SLC41A2: variants seen among roughly 807,000 people sequenced by gnomAD.
SLC41A2 encodes SLC41A1-like 1.
In SLC41A2, 32 loss-of-function variants were observed where a neutral mutation model predicts 58.3. The ratio of observed to expected loss-of-function variants is 0.55; its 90% CI spans 0.41 to 0.74. SLC41A2 has a LOEUF of 0.74. Ranked by LOEUF, SLC41A2 falls within the 30% of genes least tolerant of loss-of-function variation. The probability of loss-of-function intolerance (pLI) is 0.00; values close to 1 mark genes in which losing one functional copy is unlikely to be tolerated. For missense variants in SLC41A2, 514 were observed against 680.6 expected (o/e 0.76, Z 2.72); for synonymous variants, 190 against 235.0 (o/e 0.81, Z 1.75).
chr12:104,918,609 T>G (rs957946413), intron 2 of SLC41A2, among the ~76,000 whole-genome samples: 3 of 143,024 alleles, frequency 2.1e-5, no homozygotes, highest in Non-Finnish European at 4.5e-5. Context: ...TCATTTCATG[T>G]CTGTTGAAGG....
chr12:104,836,562 A>C (rs777477124), intron 10 of SLC41A2, among the ~76,000 whole-genome samples: 24 of 152,216 alleles, frequency 1.6e-4, no homozygotes, highest in Admixed American at 7.9e-4. Context: ...ATAACTGAAC[A>C]CTATAAAATA....
chr12:104,867,980 C>T (rs2043556866), intron 6 of SLC41A2, among the ~76,000 whole-genome samples: 2 of 151,792 alleles, frequency 1.3e-5, no homozygotes, highest in Admixed American at 1.3e-4. Context: ...TAAAATATAG[C>T]TAAACAAATT....
At chr12:104,922,505 C>A (rs1205029755) in intron 2 of SLC41A2, among the ~76,000 whole-genome samples, 1 of 151,726 alleles carries the variant, frequency 6.6e-6, no homozygotes, top group Admixed American at 6.6e-5. Flanking sequence ...CACCCAACAC[C>A]AGAGCTTCTA....
chr12:104,939,816 G>T, intron 1 of SLC41A2, among the ~76,000 whole-genome samples: 1 of 152,228 alleles, frequency 6.6e-6, no homozygotes, highest in South Asian at 2.1e-4. Flanking sequence ...CCCAGAACTT[G>T]TTGAGCAGAT....
intron 10 of SLC41A2, among the ~76,000 whole-genome samples, chr12:104,839,286 T>C (rs2042321741): frequency 6.6e-6 from 1 of 152,090 alleles, no homozygotes; most frequent in South Asian, 2.1e-4. Flanking sequence ...CTGGGATACT[T>C]TATAGCAGAA....
intron 6 of SLC41A2, among the ~76,000 whole-genome samples, chr12:104,870,583 T>C (rs562024441): frequency 1.3e-5 from 2 of 152,340 alleles, no homozygotes; most frequent in South Asian, 2.1e-4. Flanking sequence ...CTCTGTGATA[T>C]AGGCAAACTA....
intron 4 of SLC41A2, among the ~76,000 whole-genome samples, chr12:104,892,334 A>T (rs1330764708): frequency 6.6e-6 from 1 of 150,424 alleles, no homozygotes; most frequent in Non-Finnish European, 1.5e-5. Context: ...AATAAAATAA[A>T]ATATTGATGC....
intron 1 of SLC41A2, among the ~76,000 whole-genome samples, chr12:104,935,780 C>T (rs1481199862): frequency 5.9e-5 from 9 of 152,114 alleles, no homozygotes; most frequent in Non-Finnish European, 1.0e-4. Flanking sequence ...AGAGAGCTCA[C>T]GCCTGTAATT....
At chr12:104,914,826 G>C (rs573583843) in intron 2 of SLC41A2, among the ~76,000 whole-genome samples, 20 of 152,354 alleles carry the variant, frequency 1.3e-4, no homozygotes, top group African/African-American at 3.6e-4. Flanking sequence ...TCAGGACTGT[G>C]CCTGCACATA....
At chr12:104,850,967 A>T (rs892050885) in intron 8 of SLC41A2, among the ~76,000 whole-genome samples, 1 of 152,226 alleles carries the variant, frequency 6.6e-6, no homozygotes, top group Non-Finnish European at 1.5e-5. Context: ...TGTGGCTCAA[A>T]CTATGTGGGT....
intron 1 of SLC41A2, among the ~76,000 whole-genome samples, chr12:104,952,173 G>A (rs1262670146): frequency 6.6e-6 from 1 of 152,112 alleles, no homozygotes; most frequent in Non-Finnish European, 1.5e-5. Flanking sequence ...ACCAGAAACA[G>A]CAACGTCATG....
intron 8 of SLC41A2, among the ~76,000 whole-genome samples, chr12:104,858,450 G>C (rs2043094972): frequency 6.6e-6 from 1 of 152,096 alleles, no homozygotes; most frequent in Admixed American, 6.5e-5. Context: ...AAAAAAACCT[G>C]TAAGTTACCT....
At chr12:104,865,088 T>C (rs1008688993) in intron 7 of SLC41A2, among the ~76,000 whole-genome samples, 4 of 152,168 alleles carry the variant, frequency 2.6e-5, no homozygotes, top group African/African-American at 9.7e-5. Flanking sequence ...TTGTAGCTCT[T>C]TCATTAAAGG....
intron 3 of SLC41A2, among the ~76,000 whole-genome samples, chr12:104,904,006 A>G (rs1356400930): frequency 6.6e-6 from 1 of 152,218 alleles, no homozygotes. Context: ...ACGAAGGTTA[A>G]AAAAAGATTA....
At chr12:104,857,309 A>C (rs905618706) in intron 8 of SLC41A2, among the ~76,000 whole-genome samples, 5 of 152,212 alleles carry the variant, frequency 3.3e-5, no homozygotes, top group African/African-American at 9.6e-5. Context: ...CAGAAGTACC[A>C]GAAAGAGAGA....
intron 8 of SLC41A2, among the ~76,000 whole-genome samples, chr12:104,846,902 T>G (rs1257077714): frequency 2.0e-5 from 3 of 152,174 alleles, no homozygotes; most frequent in Non-Finnish European, 1.5e-5. Context: ...GAACTCCCAT[T>G]TCTAGGCATA....
intron 6 of SLC41A2, among the ~76,000 whole-genome samples, chr12:104,874,490 G>A (rs1487718994): frequency 1.3e-5 from 2 of 152,078 alleles, no homozygotes; most frequent in Non-Finnish European, 2.9e-5. Flanking sequence ...GTTATGTTTA[G>A]GTCTTTAATC....
intron 1 of SLC41A2, among the ~76,000 whole-genome samples, chr12:104,930,332 G>T (rs191938563): frequency 6.6e-5 from 10 of 152,264 alleles, no homozygotes; most frequent in East Asian, 1.9e-4. Context: ...GAGATAAAAC[G>T]ATGTAGTCCC....
intron 6 of SLC41A2, among the ~76,000 whole-genome samples, chr12:104,868,617 A>G (rs562221387): frequency 6.6e-6 from 1 of 152,344 alleles, no homozygotes; most frequent in East Asian, 1.9e-4. Flanking sequence ...TGGAAAACAT[A>G]TTTACATAAA....
Sources: gnomAD v4.1 joint callset for allele counts (sites outside exome capture counted in the v4.1 genomes callset) on GRCh38, gnomAD v4.1.1 for gene constraint, MANE v1.5 for transcripts, NCBI Gene and HGNC (gene_info 2026-07-23, HGNC 2026-07-21) for gene names.